Variants in ARHGAP35 observed in about 807,000 individuals in gnomAD.
ARHGAP35 encodes the protein rho GTPase-activating protein 35.
ARHGAP35 carries 15 observed loss-of-function variants against 111.1 expected under a neutral mutation model. The ratio of observed to expected loss-of-function variants is 0.13; its 90% CI spans 0.09 to 0.21. The LOEUF (loss-of-function observed/expected upper bound fraction) is 0.21, where lower values mean the gene tolerates loss of function less well. Among genes scored for constraint, ARHGAP35 ranks in the 10% least tolerant of loss-of-function variants. ARHGAP35 has a pLI of 1.00. For synonymous variants in ARHGAP35, 643 were observed against 710.3 expected (o/e 0.91, Z 1.51); for missense variants, 1,262 against 1,873.0 (o/e 0.67, Z 6.02).
chr19:46,986,694 G>T lies in ARHGAP35; in HGVS notation c.3827-1295G>T, dbSNP rs1476806940. ...ACTTAATATTCATAGACTTTCTCAAGTTCAAAATAAGAACACTAGGAAAAT... is the reference window on the plus strand; with the variant it reads ...ACTTAATATTCATAGACTTTCTCAATTTCAAAATAAGAACACTAGGAAAAT... On this transcript the variant is annotated intron_variant, in intron 3 of 6. Coordinates refer to ENST00000672722, the MANE Select transcript of ARHGAP35 (RefSeq NM_004491.5). This position sits in a 1 kb window ranked among gnomAD's most constrained non-coding sequence, Gnocchi z 4.3. Among the ~76,000 whole-genome samples, 1 of 152,114 alleles carries T rather than the reference G, an allele frequency of 6.6e-6. No homozygotes were observed. The highest frequency in any genetic ancestry group is 1.9e-4 in the East Asian group (1 of 5,204).
At position 46,919,830 on chromosome 19, in the gene ARHGAP35, G is replaced by C; in HGVS notation, c.1155G>C (p.Glu385Asp). 6.2e-7 allele frequency: 1 copy of C among 1,614,046 alleles called. No individual in the cohort carries two copies. Among genetic ancestry groups the C allele is most frequent in the East Asian group, 2.2e-5 (1 of 44,894 alleles). ...TGAAGTGGTTTGTTGTGCTTGAAGA[G>C]ACCCCATGGGATGCCACCAGTCACA... ...EFLKWFVVLE[E>D]TPWDATSHID... Residue 385 changes from glutamate (E) to aspartate (D), a missense_variant, in exon 2 of 7, where the codon GAG becomes GAC. By Grantham distance (45) the Glu-to-Asp change is conservative. Transcript: ENST00000672722. The surrounding 1 kb of genome is among the most constrained non-coding windows in gnomAD (Gnocchi z 6.2).
At chr19:46,978,705 A>ATATGTG in intron 3 of ARHGAP35, among the ~76,000 whole-genome samples, 1 of 21,608 alleles carries the variant, frequency 4.6e-5, no homozygotes, top group Non-Finnish European at 9.3e-5. Flanking sequence ...GTGGTGGGGC[A>ATATGTG]TGTGTGTGGT....
At chr19:46,967,292 G>A (rs1209993498) in intron 3 of ARHGAP35, among the ~76,000 whole-genome samples, 3 of 152,084 alleles carry the variant, frequency 2.0e-5, no homozygotes, top group Admixed American at 6.6e-5. Context: ...TACCATTTGC[G>A]GGAAGGTAGG....
chr19:46,952,914 G>A (rs2056420623), intron 3 of ARHGAP35, among the ~76,000 whole-genome samples: 1 of 152,160 alleles, frequency 6.6e-6, no homozygotes, highest in Admixed American at 6.5e-5. Flanking sequence ...ATGGCCTTGA[G>A]TGATCTGCCC....
At chr19:46,982,636 TCTGA>T (rs1445361390) in intron 3 of ARHGAP35, among the ~76,000 whole-genome samples, 3 of 152,160 alleles carry the variant, frequency 2.0e-5, no homozygotes, top group African/African-American at 7.2e-5. Flanking sequence ...ATTCAAGAGT[TCTGA>T]CTAAGACTTC....
intron 1 of ARHGAP35, among the ~76,000 whole-genome samples, chr19:46,870,628 C>T (rs554861278): frequency 3.3e-5 from 5 of 152,006 alleles, no homozygotes; most frequent in African/African-American, 1.2e-4. Context: ...AACTGAGGAA[C>T]GTAGATAAAA....
Position 46,922,249 on chromosome 19 carries a change from G to T in ARHGAP35, c.3574G>T (p.Asp1192Tyr). The T allele has an allele frequency of 6.2e-7, 1 of 1,614,004 alleles. No individual in the cohort carries two copies. Among genetic ancestry groups the T allele is most frequent in the Non-Finnish European group, 8.5e-7 (1 of 1,179,890 alleles). The change falls in exon 2 of 7, where the codon GAT (aspartate) becomes TAT (tyrosine). Residue 1192 changes from aspartate to tyrosine, a missense_variant. Asp to Tyr is a radical substitution (Grantham distance 160, BLOSUM62 -3). This residue lies in a region of ARHGAP35 where 579 missense variants were observed against 716.9 expected (regional missense o/e 0.81). Coordinates refer to ENST00000672722, the MANE Select transcript of ARHGAP35 (RefSeq NM_004491.5). The surrounding 1 kb of genome is among the most constrained non-coding windows in gnomAD (Gnocchi z 4.0). ...GGGGCCCATCCGGAAGAAAGAGGAGGATCAGGCATCCCAGGGTTATAAAGG... is the reference window on the plus strand; with the variant it reads ...GGGGCCCATCCGGAAGAAAGAGGAGTATCAGGCATCCCAGGGTTATAAAGG... The part of the protein sequence containing the change: ...ELGPIRKKEE[D>Y]QASQGYKGDN...
intron 1 of ARHGAP35, among the ~76,000 whole-genome samples, chr19:46,898,328 C>T (rs1375907853): frequency 6.6e-6 from 1 of 150,636 alleles, no homozygotes; most frequent in Admixed American, 6.6e-5. Context: ...TCCACAAAAA[C>T]TCGATTTAGT....
chr19:46,978,686 G>GATGTGTGCGTGGTGGGAT (rs2056596563), intron 3 of ARHGAP35, among the ~76,000 whole-genome samples: 1 of 80,010 alleles, frequency 1.2e-5, no homozygotes, highest in Non-Finnish European at 2.4e-5. Context: ...TGTGTGGTGG[G>GATGTGTGCGTGGTGGGAT]ATGTGTGTGT....
chr19:46,920,242 G>C lies in ARHGAP35; in HGVS notation c.1567G>C (p.Val523Leu), dbSNP rs1599818104. The stretch of plus-strand genomic sequence containing the variant: ...GGAGAAGATGGGTGTTATTCAGGAT[G>C]TTCTGGGAGAGGAACAGCGATTTAA... ...SKEKMGVIQDVLGEEQRFKAL... is the reference protein window; with the variant it reads ...SKEKMGVIQDLLGEEQRFKAL... Residue 523 changes from valine to leucine, a missense_variant, in exon 2 of 7, where the codon GTT (valine) becomes CTT (leucine). Val to Leu is a conservative substitution (Grantham distance 32, BLOSUM62 1). Around this residue, in one of 8 missense-constraint regions of ARHGAP35, gnomAD observed 328 missense variants for 440.8 expected, o/e 0.74. Transcript: ENST00000672722. The surrounding 1 kb of genome is among the most constrained non-coding windows in gnomAD (Gnocchi z 7.0). 1 of 1,613,906 alleles carries C rather than the reference G, an allele frequency of 6.2e-7. No homozygotes were observed. Among genetic ancestry groups the C allele is most frequent in the South Asian group, 1.1e-5 (1 of 91,086 alleles).
intron 1 of ARHGAP35, among the ~76,000 whole-genome samples, chr19:46,865,193 A>G (rs1225786423): frequency 1.3e-5 from 2 of 152,178 alleles, no homozygotes; most frequent in African/African-American, 4.8e-5. Context: ...TTAATATGCC[A>G]TTTGGAGTGG....
Position 46,989,551 on chromosome 19 carries a change from C to T in ARHGAP35, c.3912C>T (p.Asn1304=), listed in dbSNP as rs779447268. Residue 1304 remains asparagine (N), a synonymous_variant, in exon 5 of 7, where the codon AAC becomes AAT. Transcript: ENST00000672722. This position sits in a 1 kb window ranked among gnomAD's most constrained non-coding sequence, Gnocchi z 5.3. ...CTCCTGACTTCCTTTCAGACCACAA[C>T]CTGGACCTGGCAGAGAAAGACTTTA... is the stretch of plus-strand genomic sequence containing the variant. The part of the protein sequence containing the change: ...SLQRQFDQDH[N]LDLAEKDFTV... 6.3e-5 allele frequency: 101 copies of T among 1,613,788 alleles called. No individual in the cohort carries two copies. Among genetic ancestry groups the T allele is most frequent in the Non-Finnish European group, 8.1e-5 (95 of 1,179,834 alleles).
rs193164059 is a variant in ARHGAP35, at chr19:46,928,660, G to A, written c.3681+6304G>A. On this transcript the variant is annotated intron_variant, in intron 2 of 6. Transcript: ENST00000672722. ...AAAAGCTATGGTCTGCGCTGGGCGC[G>A]GTGGGTCACACCTGTAATCCCAGCA... 1.1e-3 allele frequency among the ~76,000 whole-genome samples: 168 copies of A among 152,220 alleles called. 4 individuals carry two copies. In the South Asian group the frequency reaches 0.031, roughly 28 times the overall value.
At chr19:46,861,385 C>G (rs2055825991) in intron 1 of ARHGAP35, among the ~76,000 whole-genome samples, 176 bp downstream of exon 1, 1 of 145,014 alleles carries the variant, frequency 6.9e-6, no homozygotes, top group South Asian at 2.3e-4. Flanking sequence ...CCCGTCGCTT[C>G]GCGCGTCGGC....
chr19:46,870,404 C>A (rs1400300166), intron 1 of ARHGAP35, among the ~76,000 whole-genome samples: 3 of 151,654 alleles, frequency 2.0e-5, no homozygotes, highest in African/African-American at 4.8e-5. Context: ...ACGGTGAAAT[C>A]CCATCTCTAC....
rs145596312 is a variant in ARHGAP35, at chr19:46,995,155, A to G, written c.4037-4149A>G. Reference sequence around the variant, plus strand: ...AGTGTGACTGGGTACAGTGGCTCATACCTGTAATCCCAGCACTTTGGGAGG... The same window carrying G: ...AGTGTGACTGGGTACAGTGGCTCATGCCTGTAATCCCAGCACTTTGGGAGG... On this transcript the variant is annotated intron_variant, in intron 5 of 6. Transcript: ENST00000672722. 6.3e-3 allele frequency among the ~76,000 whole-genome samples: 954 copies of G among 152,216 alleles called. 12 individuals are homozygous for G. Among genetic ancestry groups the G allele is most frequent in the African/African-American group, 0.022 (925 of 41,526 alleles).
At chr19:46,956,605 T>G (rs1312825561) in intron 3 of ARHGAP35, among the ~76,000 whole-genome samples, 1 of 151,942 alleles carries the variant, frequency 6.6e-6, no homozygotes, top group Non-Finnish European at 1.5e-5. Flanking sequence ...GATACCTCAT[T>G]ACTTATATGC....
chr19:46,925,761 G>A (rs1433729532), intron 2 of ARHGAP35, among the ~76,000 whole-genome samples: 1 of 152,158 alleles, frequency 6.6e-6, no homozygotes, highest in African/African-American at 2.4e-5. Context: ...TGGACTTTGG[G>A]CATGTGAGTC....
rs2056206083 is a variant in ARHGAP35 at position 46,922,165 on chromosome 19, C to T, written c.3490C>T (p.Arg1164Trp). 20 of 1,613,948 alleles carry T rather than the reference C, an allele frequency of 1.2e-5. No individual in the cohort carries two copies. Among genetic ancestry groups the T allele is most frequent in the Non-Finnish European group, 1.6e-5 (19 of 1,179,892 alleles). The change falls in exon 2 of 7, where the codon CGG (arginine) becomes TGG (tryptophan). Residue 1164 changes from arginine (R) to tryptophan (W), a missense_variant. Arg to Trp is a moderately radical substitution (Grantham distance 101, BLOSUM62 -3). Around this residue, in one of 8 missense-constraint regions of ARHGAP35, gnomAD observed 579 missense variants for 716.9 expected, o/e 0.81. Coordinates refer to ENST00000672722, the MANE Select transcript of ARHGAP35 (RefSeq NM_004491.5). The surrounding 1 kb of genome is among the most constrained non-coding windows in gnomAD (Gnocchi z 4.0). ...KPVLYRTRCT[R>W]LGRFASYRTS... ...AGTGCTGTACAGGACGAGATGCACC[C>T]GGCTGGGGCGGTTTGCTAGTTACCG...
Sources: gnomAD v4.1 joint callset for allele counts (sites outside exome capture counted in the v4.1 genomes callset) on GRCh38, gnomAD v4.1.1 for gene constraint, gnomAD v4.1.1 regional missense constraint, Gnocchi (gnomAD v3.1) non-coding constraint, MANE v1.5 for transcripts, NCBI Gene and HGNC (gene_info 2026-07-23, HGNC 2026-07-21) for gene names.